The following CDC5L variants were observed in gnomAD, a reference collection of about 807,000 sequenced individuals.
The protein encoded by CDC5L is cell division cycle 5-like protein.
A neutral mutation model predicts 104.1 loss-of-function variants in CDC5L; 18 were observed. That is an observed-to-expected ratio of 0.17 (90% CI 0.12 to 0.26). The LOEUF (loss-of-function observed/expected upper bound fraction) is 0.26, where lower values mean the gene tolerates loss of function less well. CDC5L is among the 10% of genes least tolerant of loss of function. CDC5L has a pLI of 1.00. For missense variants in CDC5L, 673 were observed against 956.9 expected (o/e 0.70, Z 3.91); for synonymous variants, 331 against 322.7 (o/e 1.03, Z -0.28).
chr6:44,445,578 A>C (rs1003352648), intron 14 of CDC5L, 77 bp from the exon 15 acceptor site: 13 of 971,816 alleles, frequency 1.3e-5, no homozygotes, highest in Non-Finnish European at 1.7e-5. Context: ...ACATGAACGC[A>C]TGGTACCTTT....
At position 44,390,166 on chromosome 6, in the gene CDC5L, A is replaced by G. The variant is rs1044023138; in HGVS notation, c.46-102A>G. 6 of 702,198 alleles carry G rather than the reference A, an allele frequency of 8.5e-6. No homozygotes were observed. The African/African-American group carries it at 8.9e-5, about 10-fold the overall frequency. 43.5% of individuals were successfully genotyped at this position (702,198 alleles called of 1,614,324 possible). A position where few individuals can be genotyped will look rare whatever the true frequency, so the allele number is the denominator to read the frequency against. ...CCTAGGTGGTGTGTATGTGCATGTT[A>G]TATGTCTCTTTCTCCAATAGCCCTA... On this transcript the variant is annotated intron_variant, in intron 1 of 15. Coordinates refer to ENST00000371477, the MANE Select transcript of CDC5L (RefSeq NM_001253.4).
intron 13 of CDC5L, among the ~76,000 whole-genome samples, chr6:44,429,112 C>T (rs1792560898): frequency 6.6e-6 from 1 of 150,482 alleles, no homozygotes. Flanking sequence ...GCCTCCACCT[C>T]CTGGGTTCAA....
intron 14 of CDC5L, 37 bp downstream of exon 14, chr6:44,429,947 TTTGA>T (rs746159702): frequency 1.6e-4 from 243 of 1,519,358 alleles, no homozygotes; most frequent in Non-Finnish European, 2.1e-4. Context: ...TTAAATGTAC[TTTGA>T]TTGAGATAAT....
chr6:44,438,275 A>G (rs1161668396), intron 14 of CDC5L, among the ~76,000 whole-genome samples: 2 of 152,194 alleles, frequency 1.3e-5, no homozygotes, highest in African/African-American at 4.8e-5. Context: ...AGAAGAAGGA[A>G]CTTGAATGTA....
intron 14 of CDC5L, among the ~76,000 whole-genome samples, chr6:44,433,774 A>G (rs1344142813): frequency 6.6e-6 from 1 of 152,172 alleles, no homozygotes; most frequent in East Asian, 1.9e-4. Flanking sequence ...AGGACCCCTG[A>G]CTTGTCTGAA....
intron 9 of CDC5L, among the ~76,000 whole-genome samples, chr6:44,419,976 C>T (rs768477804): frequency 2.0e-5 from 3 of 152,058 alleles, no homozygotes; most frequent in Non-Finnish European, 2.9e-5. Flanking sequence ...GATCCTATCA[C>T]GTTATTTTTG....
chr6:44,422,330 C>T (rs910731799), intron 9 of CDC5L, among the ~76,000 whole-genome samples: 10 of 152,342 alleles, frequency 6.6e-5, no homozygotes, highest in African/African-American at 2.4e-4. Flanking sequence ...GCCCACCTCC[C>T]TGCCCACTGC....
chr6:44,393,325 G>A (rs1049394999), intron 3 of CDC5L, 121 bp from the exon 4 acceptor site: 5 of 817,164 alleles, frequency 6.1e-6, no homozygotes, highest in East Asian at 2.6e-5. Flanking sequence ...AAGGCTTTAT[G>A]TTGTTAAAGC....
intron 13 of CDC5L, among the ~76,000 whole-genome samples, chr6:44,427,229 T>C (rs944195024): frequency 4.6e-5 from 7 of 152,244 alleles, no homozygotes; most frequent in Non-Finnish European, 1.0e-4. Context: ...AGAAATGATT[T>C]CTTATATGAA....
chr6:44,426,642 G>T lies in CDC5L; in HGVS notation c.1811G>T (p.Gly604Val), dbSNP rs773228211. The change falls in exon 13 of 16, where the codon GGG becomes GTG. Residue 604 changes from glycine (G) to valine (V), a missense_variant. Gly to Val is a moderately radical substitution (Grantham distance 109). This residue lies in a region of CDC5L where 578 missense variants were observed against 737.0 expected (regional missense o/e 0.78). Transcript: ENST00000371477. ...PSGNKKGKTV[G>V]FGTNNSEHIT... ...GGAAATAAAAAAGGCAAAACTGTAG[G>T]GTTTGGTACCAATAATTCAGAGCAC... 4 of 1,613,100 alleles carry T rather than the reference G, an allele frequency of 2.5e-6. No homozygotes were observed. The African/African-American group carries it at 4.0e-5, about 16-fold the overall frequency.
rs11759307 is a variant in CDC5L, at chr6:44,396,173, G to T, written c.440-168G>T. On this transcript the variant is annotated intron_variant, in intron 4 of 15. Coordinates refer to ENST00000371477, the MANE Select transcript of CDC5L (RefSeq NM_001253.4). ...AGTGGTGGGCCTGGTTTTTAACCTA[G>T]GTTCTTTGACTTCAAAACTCAAGCT... Among the ~76,000 whole-genome samples, 4 of 152,168 alleles carry T rather than the reference G, an allele frequency of 2.6e-5. No individual in the cohort carries two copies. The East Asian group carries it at 7.7e-4, about 29-fold the overall frequency.
chr6:44,394,891 TAC>T lies in CDC5L; in HGVS notation c.439+1345_439+1346del, dbSNP rs57508430. On this transcript the variant is annotated intron_variant, in intron 4 of 15. Coordinates refer to ENST00000371477, the MANE Select transcript of CDC5L (RefSeq NM_001253.4). ...AAAAAAAAAAAAAAAAAAAATGGTA[TAC>T]ACACACACACACACACACACACACA... Among the ~76,000 whole-genome samples, 98 of 126,006 alleles carry T rather than the reference TAC, an allele frequency of 7.8e-4. 1 individual carries two copies. The highest frequency in any genetic ancestry group is 9.6e-4 in the African/African-American group (31 of 32,128). The allele number at this position is 126,006 out of a possible 152,430, so 82.7% of individuals were successfully genotyped here.
rs1390293940 is a variant in CDC5L at position 44,429,914 on chromosome 6, G to A, written c.2091+4G>A. 5.0e-6 allele frequency: 8 copies of A among 1,608,914 alleles called. No individual in the cohort carries two copies. The East Asian group carries it at 1.6e-4, about 31-fold the overall frequency. ...ATCACTTGAAAAGAGGCTCGAGGTT[G>A]GTATCCTTTTAAAATTTTAATTTTA... On this transcript the variant is annotated splice_donor_region_variant and intron_variant, in intron 14 of 15. Transcript: ENST00000371477.
chr6:44,424,425 G>T lies in CDC5L; in HGVS notation c.1411G>T (p.Glu471Ter). Reference sequence around the variant, plus strand: ...GACCACTTCTTTTCTACAGGAAAGAGAATCCCGAGAACATCTCCGTTTAGG... The same window carrying T: ...GACCACTTCTTTTCTACAGGAAAGATAATCCCGAGAACATCTCCGTTTAGG... ...DPSYVKQMER[E>*]SREHLRLGLL... Residue 471 changes from glutamate (E) to a stop codon, truncating the protein, a stop_gained, in exon 11 of 16, where the codon GAA becomes TAA. Transcript: ENST00000371477. LOFTEE classifies it high-confidence loss of function. 6.2e-7 allele frequency: 1 copy of T among 1,612,258 alleles called. No homozygotes were observed. The highest frequency in any genetic ancestry group is 1.1e-5 in the South Asian group (1 of 90,928).
In CDC5L at chr6:44,403,986, C is replaced by T. The variant is rs1480580216; in HGVS notation, c.717C>T (p.Phe239=). Residue 239 remains phenylalanine, a synonymous_variant, in exon 6 of 16, where the codon TTC becomes TTT. Transcript: ENST00000371477. ...EENYQALDAD[F]RKLRQQDLDG... is the part of the protein sequence containing the mutation. ...ACTACCAAGCTCTTGACGCAGATTT[C>T]AGGAAATTAAGACAACAGGATCTTG... The T allele has an allele frequency of 8.7e-6, 14 of 1,612,196 alleles. No individual in the cohort carries two copies. The highest frequency in any genetic ancestry group is 1.1e-5 in the Non-Finnish European group (13 of 1,179,660).
At chr6:44,444,438 T>C (rs1297326860) in intron 14 of CDC5L, among the ~76,000 whole-genome samples, 1 of 152,074 alleles carries the variant, frequency 6.6e-6, no homozygotes, top group East Asian at 1.9e-4. Context: ...AAACTCCTTT[T>C]AGGAAGAATG....
intron 9 of CDC5L, among the ~76,000 whole-genome samples, chr6:44,422,054 AAAT>A (rs1792208845): frequency 6.6e-6 from 1 of 152,178 alleles, no homozygotes; most frequent in South Asian, 2.1e-4. Flanking sequence ...TGAATAATTA[AAAT>A]ATAGGTTGCT....
intron 5 of CDC5L, among the ~76,000 whole-genome samples, chr6:44,402,151 G>A (rs558879921): frequency 1.2e-3 from 169 of 143,756 alleles, no homozygotes; most frequent in Middle Eastern, 3.4e-3. Flanking sequence ...ATGATTTATA[G>A]TCCTTTGGGT....
At chr6:44,443,402 C>A (rs752536260) in intron 14 of CDC5L, among the ~76,000 whole-genome samples, 1 of 151,680 alleles carries the variant, frequency 6.6e-6, no homozygotes, top group Non-Finnish European at 1.5e-5. Context: ...CTTCCCCAGC[C>A]TTGGGAATTT....
Sources: allele counts gnomAD v4.1 joint callset (sites outside exome capture counted in the v4.1 genomes callset), GRCh38; gene constraint gnomAD v4.1.1; regional missense constraint gnomAD v4.1.1; transcripts MANE v1.5; gene names NCBI Gene and HGNC (gene_info 2026-07-23, HGNC 2026-07-21).